ZNF530: variants seen among roughly 807,000 people sequenced by gnomAD.
ZNF530 encodes zinc finger protein 530.
Under a neutral mutation model 2.8 loss-of-function variants are expected in ZNF530, and 5 were observed. The ratio of observed to expected loss-of-function variants is 1.80; its 90% CI spans 0.94 to 3.78. The LOEUF (loss-of-function observed/expected upper bound fraction) is 3.78, where lower values mean the gene tolerates loss of function less well. Among genes scored for constraint, ZNF530 ranks in the 30% most tolerant of loss-of-function variants. ZNF530 has a pLI of 0.00. For missense variants in ZNF530, 619 were observed against 673.3 expected, an observed-to-expected ratio of 0.92 and a Z score of 0.89; for synonymous variants, 229 against 235.0, an observed-to-expected ratio of 0.97 and a Z score of 0.23.
chr19:57,601,548 G>A (rs984865816), intron 2 of ZNF530, among the ~76,000 whole-genome samples: 1 of 152,228 alleles, frequency 6.6e-6, no homozygotes, highest in African/African-American at 2.4e-5. Flanking sequence ...TAGAGAATAA[G>A]TAAGTAGCTA....
In ZNF530 at chr19:57,606,032, G is replaced by T. The variant is rs566890006; in HGVS notation, c.408G>T (p.Thr136=). 6.2e-7 allele frequency: 1 copy of T among 1,614,156 alleles called. No individual in the cohort carries two copies. ...CRFHVSGKPF[T]FGEVGRDFSA... is the part of the protein sequence containing the mutation. ...TCCATGTGTCAGGAAAACCCTTCAC[G>T]TTTGGGGAAGTCGGGAGGGACTTTT... Residue 136 remains threonine (T), a synonymous_variant, in exon 4 of 4, where the codon ACG becomes ACT. Transcript: ENST00000597700.
At position 57,600,055 on chromosome 19, in the gene ZNF530, G is replaced by T; in HGVS notation, c.-201G>T. ...CGGCGGTGGTGACAGCTTTGCTCTT[G>T]TCTCCGCCCGGATCGTCCACCGCTC... On this transcript the variant is annotated 5_prime_UTR_variant, in exon 1 of 4. Transcript: ENST00000597700. The T allele has an allele frequency of 6.7e-7, 1 of 1,503,082 alleles. No homozygotes were observed. The highest frequency in any genetic ancestry group is 9.0e-7 in the Non-Finnish European group (1 of 1,113,410). The allele number at this position is 1,503,082 out of a possible 1,614,324, so 93.1% of individuals were successfully genotyped here.
intron 2 of ZNF530, among the ~76,000 whole-genome samples, chr19:57,603,420 A>G (rs1233998188): frequency 6.6e-6 from 1 of 152,232 alleles, no homozygotes; most frequent in African/African-American, 2.4e-5. Flanking sequence ...TTACTGCTAT[A>G]TAGCCTCACC....
Position 57,606,849 on chromosome 19 carries a change from A to C in ZNF530, c.1225A>C (p.Lys409Gln). Residue 409 changes from lysine to glutamine, a missense_variant, in exon 4 of 4, where the codon AAA (lysine) becomes CAA (glutamine). Transcript: ENST00000597700. Reference protein sequence around the residue: ...ERPYECSECGKVFSQSSGLFR... With the variant: ...ERPYECSECGQVFSQSSGLFR... Reference sequence around the variant, plus strand: ...GCCTTATGAGTGCAGTGAATGTGGGAAAGTTTTTAGCCAAAGCTCTGGCCT... The same window carrying C: ...GCCTTATGAGTGCAGTGAATGTGGGCAAGTTTTTAGCCAAAGCTCTGGCCT... 6.2e-7 allele frequency: 1 copy of C among 1,614,178 alleles called. No individual in the cohort carries two copies. Among genetic ancestry groups the C allele is most frequent in the Non-Finnish European group, 8.5e-7 (1 of 1,180,028 alleles).
chr19:57,602,876 CCT>C (rs1179829775), intron 2 of ZNF530, among the ~76,000 whole-genome samples: 10 of 152,132 alleles, frequency 6.6e-5, no homozygotes, highest in African/African-American at 2.4e-4. Flanking sequence ...CAGGGGAACT[CCT>C]CTTTTTAAAA....
At position 57,607,198 on chromosome 19, in the gene ZNF530, G is replaced by A. The variant is rs138050368; in HGVS notation, c.1574G>A (p.Arg525His). The change falls in exon 4 of 4, where the codon CGC becomes CAC. Residue 525 changes from arginine (R) to histidine (H), a missense_variant. By Grantham distance (29) the Arg-to-His change is conservative (BLOSUM62 0). Coordinates refer to ENST00000597700, the MANE Select transcript of ZNF530 (RefSeq NM_001321981.2). Reference sequence around the variant, plus strand: ...AGAGAATGTGGGAAATCTTTTACCCGCAAAAATCACCTCATTCAACACAAG... The same window carrying A: ...AGAGAATGTGGGAAATCTTTTACCCACAAAAATCACCTCATTCAACACAAG... ...ECRECGKSFTRKNHLIQHKTV... is the reference protein window; with the variant it reads ...ECRECGKSFTHKNHLIQHKTV... 1.8e-4 allele frequency: 290 copies of A among 1,612,882 alleles called. No homozygotes were observed. In the African/African-American group the frequency reaches 2.3e-3, roughly 13 times the overall value.
intron 3 of ZNF530, chr19:57,605,384 T>A (rs184211381): frequency 1.8e-4 from 45 of 253,560 alleles, no homozygotes; most frequent in African/African-American, 9.5e-4. Flanking sequence ...ACACCAATAA[T>A]CTTCTGTGCA....
chr19:57,606,417 A>G lies in ZNF530; in HGVS notation c.793A>G (p.Ser265Gly). The G allele has an allele frequency of 6.2e-7, 1 of 1,613,966 alleles. No homozygotes were observed. ...CACTGGAGAAAGGCCTTATGACTGC[A>G]GTGAATGTGGCAAATCCTTTCGCCA... The part of the protein sequence containing the change: ...VHTGERPYDC[S>G]ECGKSFRQVS... The change falls in exon 4 of 4, where the codon AGT becomes GGT. Residue 265 changes from serine (S) to glycine (G), a missense_variant. Ser to Gly is a moderately conservative substitution (Grantham distance 56, BLOSUM62 0). Coordinates refer to ENST00000597700, the MANE Select transcript of ZNF530 (RefSeq NM_001321981.2).
At chr19:57,604,472 G>A (rs1173925775) in intron 3 of ZNF530, 66 bp downstream of exon 3, 1 of 1,555,690 alleles carries the variant, frequency 6.4e-7, no homozygotes, top group African/African-American at 1.4e-5. Flanking sequence ...CCCTGAGGCA[G>A]CTCTGTCCTT....
At chr19:57,603,300 A>C (rs1335447021) in intron 2 of ZNF530, among the ~76,000 whole-genome samples, 3 of 152,216 alleles carry the variant, frequency 2.0e-5, no homozygotes, top group Admixed American at 1.3e-4. Flanking sequence ...GACACATGGG[A>C]ATTGTGGGAG....
downstream of ZNF530, among the ~76,000 whole-genome samples, chr19:57,610,174 T>C (rs1262223772): frequency 6.6e-6 from 1 of 152,258 alleles, no homozygotes; most frequent in Non-Finnish European, 1.5e-5. Context: ...ATATCTCACC[T>C]GCATATTTTA....
chr19:57,605,363 A>T (rs1980451485), intron 3 of ZNF530: 1 of 221,638 alleles, frequency 4.5e-6, no homozygotes, highest in Non-Finnish European at 8.9e-6. Context: ...ATGGGTGTCT[A>T]CTGGGCCTGG....
chr19:57,603,423 G>C (rs982926565), intron 2 of ZNF530, among the ~76,000 whole-genome samples: 1 of 152,164 alleles, frequency 6.6e-6, no homozygotes, highest in Non-Finnish European at 1.5e-5. Context: ...CTGCTATATA[G>C]CCTCACCAGG....
rs143267609 is a variant in ZNF530 at position 57,606,044 on chromosome 19, C to T, written c.420C>T (p.Val140=). ...VSGKPFTFGE[V]GRDFSATSGL... ...GAAAACCCTTCACGTTTGGGGAAGT[C>T]GGGAGGGACTTTTCAGCCACCTCAG... Residue 140 remains valine, a synonymous_variant, in exon 4 of 4, where the codon GTC becomes GTT. Transcript: ENST00000597700. 425 of 1,614,156 alleles carry T rather than the reference C, an allele frequency of 2.6e-4. No individual in the cohort carries two copies. The African/African-American group carries it at 4.5e-3, about 17-fold the overall frequency.
In ZNF530 at chr19:57,600,006, G is replaced by T; in HGVS notation, c.-250G>T. ...CGCGAGGAGAGTCGTTTTCTCAGCT[G>T]CACAGCCGGGGCCTGACGGTCGCCG... is the stretch of plus-strand genomic sequence containing the variant. On this transcript the variant is annotated 5_prime_UTR_variant, in exon 1 of 4. Transcript: ENST00000597700. The T allele has an allele frequency of 7.5e-7, 1 of 1,341,802 alleles. No individual in the cohort carries two copies. The highest frequency in any genetic ancestry group is 1.0e-6 in the Non-Finnish European group (1 of 1,001,868). The allele number at this position is 1,341,802 out of a possible 1,614,324, so 83.1% of individuals were successfully genotyped here. A position where few individuals can be genotyped will look rare whatever the true frequency, so the allele number is the denominator to read the frequency against.
Position 57,605,904 on chromosome 19 carries a change from T to C in ZNF530, c.280T>C (p.Phe94Leu). The change falls in exon 4 of 4, where the codon TTC (phenylalanine) becomes CTC (leucine). Residue 94 changes from phenylalanine to leucine, a missense_variant. Coordinates refer to ENST00000597700, the MANE Select transcript of ZNF530 (RefSeq NM_001321981.2). ...KLYLGGASRD[F>L]WMSSNLHQLQ... is the part of the protein sequence containing the mutation. ...GTACTTGGGTGGAGCATCAAGAGAT[T>C]TCTGGATGAGTTCAAACCTTCACCA... 6.2e-7 allele frequency: 1 copy of C among 1,614,228 alleles called. No homozygotes were observed. Among genetic ancestry groups the C allele is most frequent in the Non-Finnish European group, 8.5e-7 (1 of 1,180,032 alleles).
intron 3 of ZNF530, 60 bp downstream of exon 3, chr19:57,604,466 G>A: frequency 6.4e-7 from 1 of 1,569,096 alleles, no homozygotes; most frequent in Middle Eastern, 1.7e-4. Context: ...CCCTGTCCCT[G>A]AGGCAGCTCT....
rs910819856 is a variant in ZNF530, at chr19:57,607,111, G to A, written c.1487G>A (p.Ser496Asn). The change falls in exon 4 of 4, where the codon AGC becomes AAC. Residue 496 changes from serine to asparagine, a missense_variant. Coordinates refer to ENST00000597700, the MANE Select transcript of ZNF530 (RefSeq NM_001321981.2). ...YECDECGKSY[S>N]QSSALLQHRR... ...TGCGATGAATGTGGGAAATCCTATA[G>A]CCAAAGCTCTGCCCTCCTTCAGCAT... 1 of 1,613,668 alleles carries A rather than the reference G, an allele frequency of 6.2e-7. No individual in the cohort carries two copies. Among genetic ancestry groups the A allele is most frequent in the African/African-American group, 1.3e-5 (1 of 74,756 alleles).
rs1211493684 is a variant in ZNF530 at position 57,608,011 on chromosome 19, G to A, written c.*686G>A. 1.3e-5 allele frequency: 2 copies of A among 152,646 alleles called. No homozygotes were observed. Among genetic ancestry groups the A allele is most frequent in the African/African-American group, 4.8e-5 (2 of 41,438 alleles). 9.5% of individuals were successfully genotyped at this position (152,646 alleles called of 1,614,324 possible). ...GGGAGGCAGAGTTCTTCCATTAGTT[G>A]GAGGAAAGCACGAGTAGTCTAAGCT... On this transcript the variant is annotated 3_prime_UTR_variant, in exon 4 of 4. Coordinates refer to ENST00000597700, the MANE Select transcript of ZNF530 (RefSeq NM_001321981.2).
Sources: gnomAD v4.1 joint callset for allele counts (sites outside exome capture counted in the v4.1 genomes callset) on GRCh38, gnomAD v4.1.1 for gene constraint, MANE v1.5 for transcripts, NCBI Gene and HGNC (gene_info 2026-07-23, HGNC 2026-07-21) for gene names.